The following RNF213 variants were observed in gnomAD, a reference collection of about 807,000 sequenced individuals.
The protein encoded by RNF213 is E3 ubiquitin-protein ligase RNF213.
Under a neutral mutation model 514.4 loss-of-function variants are expected in RNF213, and 341 were observed. The observed-to-expected ratio is 0.66, with a 90% CI of 0.61 to 0.73. The LOEUF (loss-of-function observed/expected upper bound fraction) is 0.73. Among genes scored for constraint, RNF213 ranks in the 30% least tolerant of loss-of-function variants. The probability of loss-of-function intolerance (pLI) is 0.00; values close to 1 mark genes in which losing one functional copy is unlikely to be tolerated. For missense variants in RNF213, 5,767 were observed against 6,615.6 expected, an observed-to-expected ratio of 0.87 and a Z score of 4.45; for synonymous variants, 2,655 against 2,658.2, an observed-to-expected ratio of 1.00 and a Z score of 0.04.
intron 22 of RNF213, among the ~76,000 whole-genome samples, 185 bp from the exon 23 acceptor site, chr17:80,335,976 C>CAAAAAAAAAAAAAAAAATAA (rs11340394): frequency 8.4e-6 from 1 of 118,432 alleles, no homozygotes. Context: ...GACTCTGTCT[C>CAAAAAAAAAAAAAAAAATAA]AAAAAAAAAA....
rs748179402 is a variant in RNF213, at chr17:80,346,725, G to A, written c.8390G>A (p.Arg2797His). The A allele has an allele frequency of 3.7e-6, 6 of 1,611,706 alleles. No individual in the cohort carries two copies. The highest frequency in any genetic ancestry group is 1.1e-5 in the South Asian group (1 of 91,052). ...CCGGCTGCCTACTCAGATCTCTTCCGCAGCCTGAAGCAGGTCCACCTGGTG... is the reference window on the plus strand; with the variant it reads ...CCGGCTGCCTACTCAGATCTCTTCCACAGCCTGAAGCAGGTCCACCTGGTG... ...QGPAAYSDLF[R>H]SLKQVHLVSF... The change falls in exon 29 of 68, where the codon CGC becomes CAC. Residue 2797 changes from arginine (R) to histidine (H), a missense_variant. By Grantham distance (29) the Arg-to-His change is conservative. Coordinates refer to ENST00000582970, the MANE Select transcript of RNF213 (RefSeq NM_001256071.3). The surrounding 1 kb of genome is among the most constrained non-coding windows in gnomAD (Gnocchi z 8.1).
At position 80,387,571 on chromosome 17, in the gene RNF213, T is replaced by C. The variant is rs1301169617; in HGVS notation, c.14922+680T>C. Reference sequence around the variant, plus strand: ...CCTGTAGTTAAAAGCATCCTGTACGTTGGACTGCTAGCCACTCCTAACTGG... The same window carrying C: ...CCTGTAGTTAAAAGCATCCTGTACGCTGGACTGCTAGCCACTCCTAACTGG... On this transcript the variant is annotated intron_variant, in intron 63 of 67. Transcript: ENST00000582970. Among the ~76,000 whole-genome samples, 2 of 152,240 alleles carry C rather than the reference T, an allele frequency of 1.3e-5. 1 individual carries two copies. The highest frequency in any genetic ancestry group is 4.8e-5 in the African/African-American group (2 of 41,462).
rs61745567 is a variant in RNF213 at position 80,389,247 on chromosome 17, G to A, written c.15075G>A (p.Leu5025=). Residue 5025 remains leucine (L), a synonymous_variant, in exon 65 of 68, where the codon CTG becomes CTA. Transcript: ENST00000582970. Reference sequence around the variant, plus strand: ...CCTACAGCGATGCCTGTGAAGTGCTGTCTGTCGTAGAAGTCACTCTGGGGT... The same window carrying A: ...CCTACAGCGATGCCTGTGAAGTGCTATCTGTCGTAGAAGTCACTCTGGGGT... ...LQSYSDACEV[L]SVVEVTLGFL... 258 of 1,614,258 alleles carry A rather than the reference G, an allele frequency of 1.6e-4. No individual in the cohort carries two copies. The African/African-American group carries it at 3.1e-3, about 19-fold the overall frequency.
intron 21 of RNF213, 73 bp downstream of exon 21, chr17:80,332,704 T>C: frequency 7.0e-7 from 1 of 1,431,928 alleles, no homozygotes; most frequent in Non-Finnish European, 9.1e-7. Context: ...GCCATGGGCT[T>C]TGTGGCTTTG....
rs959796068 is a variant in RNF213 at position 80,317,705 on chromosome 17, C to T, written c.2901+428C>T. Among the ~76,000 whole-genome samples, 2 of 152,190 alleles carry T rather than the reference C, an allele frequency of 1.3e-5. No individual in the cohort carries two copies. Among genetic ancestry groups the T allele is most frequent in the African/African-American group, 4.8e-5 (2 of 41,456 alleles). On this transcript the variant is annotated intron_variant, in intron 16 of 67. Coordinates refer to ENST00000582970, the MANE Select transcript of RNF213 (RefSeq NM_001256071.3). The surrounding 1 kb of genome is among the most constrained non-coding windows in gnomAD (Gnocchi z 4.1). ...AGTGCCCAGATTGAGGTGCCTGCAA[C>T]CCCCGAAGCTCCAGAGGGCATGTTA...
intron 14 of RNF213, among the ~76,000 whole-genome samples, chr17:80,312,774 C>T (rs1227265805): frequency 6.6e-6 from 1 of 152,150 alleles, no homozygotes; most frequent in African/African-American, 2.4e-5. Context: ...CACACAGATG[C>T]CGTTCCCTCC....
chr17:80,326,430 G>A (rs1393977727), intron 18 of RNF213, among the ~76,000 whole-genome samples: 1 of 152,182 alleles, frequency 6.6e-6, no homozygotes, highest in Non-Finnish European at 1.5e-5. Context: ...TTAGTGTGGT[G>A]CTTTTGTTAC....
rs1273975798 is a variant in RNF213 at position 80,264,179 on chromosome 17, G to A, written c.97+401G>A. ...GTTTCATTTCCTAGAGAGAGCTCAC[G>A]GTTTTTCTTCCCCTTGGGAATGAGA... On this transcript the variant is annotated intron_variant, in intron 2 of 67. Coordinates refer to ENST00000582970, the MANE Select transcript of RNF213 (RefSeq NM_001256071.3). The surrounding 1 kb of genome is among the most constrained non-coding windows in gnomAD (Gnocchi z 5.0). 2.6e-5 allele frequency among the ~76,000 whole-genome samples: 4 copies of A among 152,310 alleles called. No individual in the cohort carries two copies. The East Asian group carries it at 7.7e-4, about 29-fold the overall frequency.
chr17:80,382,001 G>A, intron 57 of RNF213: 1 of 469,212 alleles, frequency 2.1e-6, no homozygotes, highest in Admixed American at 3.4e-5. Flanking sequence ...CGGTATTCGG[G>A]AGCGTCTGCA....
chr17:80,316,482 G>A (rs1394731510), intron 15 of RNF213: 1 of 153,454 alleles, frequency 6.5e-6, no homozygotes, highest in East Asian at 1.9e-4. Flanking sequence ...AGTAAATGCA[G>A]AAAAGAGACG....
intron 12 of RNF213, among the ~76,000 whole-genome samples, 154 bp downstream of exon 12, chr17:80,306,622 C>A (rs1310449707): frequency 6.6e-6 from 1 of 152,060 alleles, no homozygotes; most frequent in Non-Finnish European, 1.5e-5. Context: ...GAGGCCGAGG[C>A]GGGCAGATCA....
At chr17:80,327,022 T>C (rs1309764702) in intron 18 of RNF213, among the ~76,000 whole-genome samples, 1 of 152,204 alleles carries the variant, frequency 6.6e-6, no homozygotes, top group African/African-American at 2.4e-5. Flanking sequence ...ATAATGAAGT[T>C]GTACAGAGTA....
In RNF213 at chr17:80,374,585, T is replaced by G. The variant is rs551726071; in HGVS notation, c.13070T>G (p.Leu4357Arg). 6.2e-7 allele frequency: 1 copy of G among 1,614,182 alleles called. No homozygotes were observed. Among genetic ancestry groups the G allele is most frequent in the Admixed American group, 1.7e-5 (1 of 60,030 alleles). Residue 4357 changes from leucine (L) to arginine (R), a missense_variant, in exon 50 of 68, where the codon CTG becomes CGG. By Grantham distance (102) the Leu-to-Arg change is moderately radical (BLOSUM62 -2). Transcript: ENST00000582970. Reference sequence around the variant, plus strand: ...AAGCCACTGGGCATTAAGACTGCTCTGAAGGTAGGATGGGCCCGTGGCTTC... The same window carrying G: ...AAGCCACTGGGCATTAAGACTGCTCGGAAGGTAGGATGGGCCCGTGGCTTC... Reference protein sequence around the residue: ...ECKPLGIKTALKACKTPQSQQ... With the variant: ...ECKPLGIKTARKACKTPQSQQ...
rs1263831600 is a variant in RNF213, at chr17:80,345,692, G to A, written c.7357G>A (p.Gly2453Arg). The stretch of plus-strand genomic sequence containing the variant: ...CACCATAAAGCTGGTCAAGGTGCAC[G>A]GAGGAACAACTGCAGACATGATCTA... The part of the protein sequence containing the change: ...ADTIKLVKVH[G>R]GTTADMIYSR... The change falls in exon 29 of 68, where the codon GGA becomes AGA. Residue 2453 changes from glycine (G) to arginine (R), a missense_variant. This residue lies in a region of RNF213 where 1,377 missense variants were observed against 1,635.2 expected (regional missense o/e 0.84). Coordinates refer to ENST00000582970, the MANE Select transcript of RNF213 (RefSeq NM_001256071.3). This position sits in a 1 kb window ranked among gnomAD's most constrained non-coding sequence, Gnocchi z 6.0. 4.3e-6 allele frequency: 7 copies of A among 1,614,222 alleles called. No individual in the cohort carries two copies. Among genetic ancestry groups the A allele is most frequent in the African/African-American group, 1.3e-5 (1 of 75,054 alleles).
In RNF213 at chr17:80,385,157, G is replaced by A. The variant is rs988069488; in HGVS notation, c.14441G>A (p.Ser4814Asn). 2.5e-6 allele frequency: 4 copies of A among 1,614,044 alleles called. No individual in the cohort carries two copies. Among genetic ancestry groups the A allele is most frequent in the South Asian group, 1.1e-5 (1 of 91,088 alleles). The change falls in exon 60 of 68, where the codon AGC becomes AAC. Residue 4814 changes from serine to asparagine, a missense_variant. Ser to Asn is a conservative substitution (Grantham distance 46). Transcript: ENST00000582970. ...VEYSSIRGFL[S>N]KHSSDGLRQL... ...TACAGCTCCATCAGAGGCTTCCTCA[G>A]CAAGCACAGCTCAGGTGTGGCTCTG...
In RNF213 at chr17:80,295,551, C is replaced by A; in HGVS notation, c.1756-6C>A. On this transcript the variant is annotated splice_polypyrimidine_tract_variant and splice_region_variant and intron_variant, in intron 9 of 67. Transcript: ENST00000582970. Reference sequence around the variant, plus strand: ...TTCATGCATCTTCCTCTTCTCCCACCATCAGGTGAAGAGATACCTGTGGCA... The same window carrying A: ...TTCATGCATCTTCCTCTTCTCCCACAATCAGGTGAAGAGATACCTGTGGCA... 6.2e-7 allele frequency: 1 copy of A among 1,614,122 alleles called. No homozygotes were observed. Among genetic ancestry groups the A allele is most frequent in the Non-Finnish European group, 8.5e-7 (1 of 1,180,008 alleles).
rs571905353 is a variant in RNF213, at chr17:80,271,848, C to T, written c.98-1393C>T. Among the ~76,000 whole-genome samples the T allele has an allele frequency of 2.0e-3, 301 of 151,992 alleles. 1 individual carries two copies. Among genetic ancestry groups the T allele is most frequent in the African/African-American group, 6.9e-3 (284 of 41,440 alleles). On this transcript the variant is annotated intron_variant, in intron 2 of 67. Transcript: ENST00000582970. The stretch of plus-strand genomic sequence containing the variant: ...AAAAAAAATTAGCTGGGTGTGGTGG[C>T]GCATGCCTGTAATCCCAGCTACTCC...
At chr17:80,307,868 T>G (rs1429892933) in intron 13 of RNF213, among the ~76,000 whole-genome samples, 7 of 151,712 alleles carry the variant, frequency 4.6e-5, no homozygotes, top group Non-Finnish European at 8.8e-5. Context: ...TTTTTTTTTT[T>G]TTTTTTTTAA....
rs150094902 is a variant in RNF213, at chr17:80,288,901, T to C, written c.933+146T>C. ...GCTCTGGCCTTCGGGGTGCTCACATTCCAGCGGAGAGAGAGTCAGGAAACC... is the reference window on the plus strand; with the variant it reads ...GCTCTGGCCTTCGGGGTGCTCACATCCCAGCGGAGAGAGAGTCAGGAAACC... On this transcript the variant is annotated intron_variant, in intron 5 of 67. Transcript: ENST00000582970. The surrounding 1 kb of genome is among the most constrained non-coding windows in gnomAD (Gnocchi z 4.9). The C allele has an allele frequency of 1.7e-4, 245 of 1,409,440 alleles. No individual in the cohort carries two copies. The African/African-American group carries it at 2.0e-3, about 12-fold the overall frequency. The allele number at this position is 1,409,440 out of a possible 1,614,324, so 87.3% of individuals were successfully genotyped here.
Sources: gnomAD v4.1 joint callset for allele counts (sites outside exome capture counted in the v4.1 genomes callset) on GRCh38, gnomAD v4.1.1 for gene constraint, gnomAD v4.1.1 regional missense constraint, Gnocchi (gnomAD v3.1) non-coding constraint, MANE v1.5 for transcripts, NCBI Gene and HGNC (gene_info 2026-07-23, HGNC 2026-07-21) for gene names.